SBF1: variants seen among roughly 807,000 people sequenced by gnomAD.
The protein encoded by SBF1 is myotubularin-related protein 5.
Under a neutral mutation model 215.8 loss-of-function variants are expected in SBF1, and 65 were observed. That is an observed-to-expected ratio of 0.30 (90% CI 0.25 to 0.37). The LOEUF is 0.37. SBF1 is among the 10% of genes least tolerant of loss of function. The probability of loss-of-function intolerance (pLI) is 1.00; values close to 1 mark genes in which losing one functional copy is unlikely to be tolerated. For synonymous variants in SBF1, 1,410 were observed against 1,122.8 expected (o/e 1.26, Z -5.11); for missense variants, 2,634 against 2,667.8 (o/e 0.99, Z 0.28).
chr22:50,459,386 G>A lies in SBF1; in HGVS notation c.3695C>T (p.Ser1232Phe). 2 of 1,612,286 alleles carry A rather than the reference G, an allele frequency of 1.2e-6. No homozygotes were observed. The highest frequency in any genetic ancestry group is 2.2e-5 in the East Asian group (1 of 44,830). Residue 1232 changes from serine (S) to phenylalanine (F), a missense_variant, in exon 28 of 41, where the codon TCC becomes TTC. Coordinates refer to ENST00000380817, the MANE Select transcript of SBF1 (RefSeq NM_002972.4). ...CTCCAGGCTACTCGAGTCCGCCTGG[G>A]ACTGGCCTGGGGGAGGACACGGAGC... is the stretch of plus-strand genomic sequence containing the variant. ...KAQNAPSPGQ[S>F]QADSSSLEQE...
rs2067588794 is a variant in SBF1, at chr22:50,463,036, A to C, written c.1900-98T>G. 22 of 1,299,294 alleles carry C rather than the reference A, an allele frequency of 1.7e-5. No homozygotes were observed. In the South Asian group the frequency reaches 2.7e-4, roughly 16 times the overall value. The allele number at this position is 1,299,294 out of a possible 1,614,324, so 80.5% of individuals were successfully genotyped here. A position where few individuals can be genotyped will look rare whatever the true frequency, so the allele number is the denominator to read the frequency against. On this transcript the variant is annotated intron_variant, in intron 16 of 40. Transcript: ENST00000380817. Reference sequence around the variant, plus strand: ...CACCCCATAACCACCACAGACCAGCACCTGACACCCTTGGCTCCAGCTCCC... The same window carrying C: ...CACCCCATAACCACCACAGACCAGCCCCTGACACCCTTGGCTCCAGCTCCC...
At chr22:50,460,897 T>G (rs1051073545) in intron 23 of SBF1, among the ~76,000 whole-genome samples, 185 bp from the exon 24 acceptor site, 7 of 152,118 alleles carry the variant, frequency 4.6e-5, no homozygotes, top group Non-Finnish European at 7.4e-5. Flanking sequence ...TCAGTGGCTG[T>G]GAGCTGAGGC....
intron 5 of SBF1, chr22:50,467,118 A>C (rs1325914568): frequency 3.4e-6 from 2 of 596,164 alleles, no homozygotes; most frequent in African/African-American, 1.9e-5. Flanking sequence ...CACACCATCA[A>C]AGGAGTGGAC....
chr22:50,472,899 T>C (rs1311670677), intron 1 of SBF1, among the ~76,000 whole-genome samples: 1 of 152,282 alleles, frequency 6.6e-6, no homozygotes, highest in East Asian at 1.9e-4. Context: ...CAGAAGGTAG[T>C]GGGTACAGGG....
intron 36 of SBF1, among the ~76,000 whole-genome samples, chr22:50,450,535 A>C (rs947879520): frequency 6.6e-6 from 1 of 151,824 alleles, no homozygotes; most frequent in East Asian, 1.9e-4. Context: ...AAAAAAAAAC[A>C]AAACTATGAG....
At chr22:50,447,772 G>C (rs1382429265) in intron 38 of SBF1, among the ~76,000 whole-genome samples, 163 bp from the exon 39 acceptor site, 1 of 152,224 alleles carries the variant, frequency 6.6e-6, no homozygotes, top group African/African-American at 2.4e-5. Flanking sequence ...GGGCCACAAA[G>C]AAGCCTTTGA....
At chr22:50,473,651 A>G (rs2068072482) in intron 1 of SBF1, among the ~76,000 whole-genome samples, 1 of 152,120 alleles carries the variant, frequency 6.6e-6, no homozygotes, top group Non-Finnish European at 1.5e-5. Context: ...AAGAAACACA[A>G]AAAAGAGAGA....
chr22:50,451,166 CAAAAAAAAA>C (rs58188399), intron 36 of SBF1, among the ~76,000 whole-genome samples: 22 of 83,186 alleles, frequency 2.6e-4, no homozygotes, highest in East Asian at 2.4e-3. Flanking sequence ...CCCATCTCTA[CAAAAAAAAA>C]AAAAAAAAAA....
chr22:50,450,398 G>A (rs2067000252), intron 36 of SBF1, among the ~76,000 whole-genome samples: 1 of 152,070 alleles, frequency 6.6e-6, no homozygotes, highest in Non-Finnish European at 1.5e-5. Context: ...GCGGGCACCT[G>A]TAATCCCAGC....
At chr22:50,467,119 A>G in intron 5 of SBF1, 1 of 595,584 alleles carries the variant, frequency 1.7e-6, no homozygotes, top group Non-Finnish European at 3.0e-6. Context: ...ACACCATCAA[A>G]GGAGTGGACA....
At chr22:50,449,656 A>ACCCC (rs1556417476) in intron 36 of SBF1, among the ~76,000 whole-genome samples, 4 of 148,344 alleles carry the variant, frequency 2.7e-5, no homozygotes, top group African/African-American at 5.0e-5. Context: ...ACACACACAC[A>ACCCC]CCCCAAAATG....
intron 31 of SBF1, 106 bp from the exon 32 acceptor site, chr22:50,455,688 C>T: frequency 1.1e-6 from 1 of 889,060 alleles, no homozygotes; most frequent in Non-Finnish European, 1.8e-6. Context: ...GAGGCAGGCC[C>T]TGTCCACAGC....
chr22:50,461,092 A>G, intron 23 of SBF1, 67 bp downstream of exon 23: 1 of 1,524,366 alleles, frequency 6.6e-7, no homozygotes. Context: ...TTCATACAAG[A>G]AAGACCGGTT....
Position 50,456,243 on chromosome 22 carries a change from T to G in SBF1, c.4239A>C (p.Ser1413=). The change falls in exon 31 of 41, where the codon TCA becomes TCC. Residue 1413 remains serine (S), a synonymous_variant. Coordinates refer to ENST00000380817, the MANE Select transcript of SBF1 (RefSeq NM_002972.4). ...GGATCAGCCACTCTGAGTCCTCCAG[T>G]GAGCGCAGGAAGGAGGCTGGGCTGG... The part of the protein sequence containing the change: ...AEPSPASFLR[S]LEDSEWLIQI... The G allele has an allele frequency of 6.2e-7, 1 of 1,612,196 alleles. No individual in the cohort carries two copies. The highest frequency in any genetic ancestry group is 1.1e-5 in the South Asian group (1 of 90,986).
At position 50,455,361 on chromosome 22, in the gene SBF1, C is replaced by G. The variant is rs759457931; in HGVS notation, c.4417G>C (p.Glu1473Gln). 6.2e-7 allele frequency: 1 copy of G among 1,613,452 alleles called. No homozygotes were observed. Among genetic ancestry groups the G allele is most frequent in the Non-Finnish European group, 8.5e-7 (1 of 1,179,926 alleles). ...TTCTCCACCAGCAGGCGAAAGCCCT[C>G]CAGCGTGCGGTAGAAGGGGTCTGAG... is the stretch of plus-strand genomic sequence containing the variant. Reference protein sequence around the residue: ...LLSDPFYRTLEGFRLLVEKEW... With the variant: ...LLSDPFYRTLQGFRLLVEKEW... Residue 1473 changes from glutamate to glutamine, a missense_variant, in exon 33 of 41, where the codon GAG (glutamate) becomes CAG (glutamine). Coordinates refer to ENST00000380817, the MANE Select transcript of SBF1 (RefSeq NM_002972.4).
Position 50,464,922 on chromosome 22 carries a change from C to T in SBF1, c.1333-5G>A, listed in dbSNP as rs772990428. The T allele has an allele frequency of 7.4e-6, 12 of 1,613,348 alleles. No individual in the cohort carries two copies. Among genetic ancestry groups the T allele is most frequent in the African/African-American group, 1.3e-5 (1 of 74,872 alleles). ...TGCCACCTCGTGGGCCACCAGCTAG[C>T]GGGGTAAGCAGGAGGTTAGGTAAGC... On this transcript the variant is annotated splice_region_variant and splice_polypyrimidine_tract_variant and intron_variant, in intron 12 of 40. Coordinates refer to ENST00000380817, the MANE Select transcript of SBF1 (RefSeq NM_002972.4).
rs769910421 is a variant in SBF1, at chr22:50,456,252, G to A, written c.4230C>T (p.Phe1410=). The A allele has an allele frequency of 1.2e-6, 2 of 1,612,532 alleles. No homozygotes were observed. The highest frequency in any genetic ancestry group is 1.1e-5 in the South Asian group (1 of 90,998). The part of the protein sequence containing the change: ...CPAAEPSPAS[F]LRSLEDSEWL... ...ACTCTGAGTCCTCCAGTGAGCGCAG[G>A]AAGGAGGCTGGGCTGGGCTCAGCAG... Residue 1410 remains phenylalanine, a synonymous_variant, in exon 31 of 41, where the codon TTC becomes TTT. Coordinates refer to ENST00000380817, the MANE Select transcript of SBF1 (RefSeq NM_002972.4).
At chr22:50,466,527 C>G in intron 6 of SBF1, 45 bp from the exon 7 acceptor site, 1 of 1,530,646 alleles carries the variant, frequency 6.5e-7, no homozygotes, top group Non-Finnish European at 8.8e-7. Flanking sequence ...GGCCCCCACC[C>G]AGGCAGAGTG....
intron 36 of SBF1, among the ~76,000 whole-genome samples, chr22:50,451,788 G>A (rs890201477): frequency 2.7e-3 from 409 of 150,278 alleles, no homozygotes; most frequent in Middle Eastern, 3.4e-3. Flanking sequence ...AGAAAACAAA[G>A]TAATATCTTT....
Sources: allele counts gnomAD v4.1 joint callset (sites outside exome capture counted in the v4.1 genomes callset), GRCh38; gene constraint gnomAD v4.1.1; transcripts MANE v1.5; gene names NCBI Gene and HGNC (gene_info 2026-07-23, HGNC 2026-07-21).